The following PACS1 variants were observed in gnomAD, a reference collection of about 807,000 sequenced individuals.
The protein encoded by PACS1 is phosphofurin acidic cluster sorting protein 1.
In PACS1, 24 loss-of-function variants were observed where a neutral mutation model predicts 115.0. The observed-to-expected ratio is 0.21, with a 90% confidence interval of 0.15 to 0.29. The LOEUF is 0.29. Ranked by LOEUF, PACS1 falls within the 10% of genes least tolerant of loss-of-function variation. PACS1 has a pLI of 1.00. For missense variants in PACS1, 838 were observed against 1,251.2 expected, an observed-to-expected ratio of 0.67 and a Z score of 4.98; for synonymous variants, 453 against 504.5, an observed-to-expected ratio of 0.90 and a Z score of 1.37.
chr11:66,154,380 A>C (rs1394464884), intron 1 of PACS1, among the ~76,000 whole-genome samples: 1 of 152,106 alleles, frequency 6.6e-6, no homozygotes, highest in African/African-American at 2.4e-5. Context: ...TCAAGGCTGC[A>C]GTGAGCTATG....
At chr11:66,203,571 A>G (rs1298448999) in intron 2 of PACS1, among the ~76,000 whole-genome samples, 2 of 152,336 alleles carry the variant, frequency 1.3e-5, no homozygotes, top group African/African-American at 2.4e-5. Context: ...AAAGAACAAA[A>G]TTAGAGAAAT....
chr11:66,211,589 A>G (rs1855070710), intron 4 of PACS1, among the ~76,000 whole-genome samples: 1 of 152,204 alleles, frequency 6.6e-6, no homozygotes, highest in Admixed American at 6.5e-5. Context: ...CACATTTCAT[A>G]TGCTCTCCTC....
chr11:66,187,126 T>C (rs1293854177), intron 1 of PACS1, among the ~76,000 whole-genome samples: 1 of 152,232 alleles, frequency 6.6e-6, no homozygotes, highest in Non-Finnish European at 1.5e-5. Context: ...GTGGGTGTGT[T>C]GTTTCCAGTA....
In PACS1 at chr11:66,070,822, C is replaced by A; in HGVS notation, c.336C>A (p.Ser112Arg). The change falls in exon 1 of 24, where the codon AGC becomes AGA. Residue 112 changes from serine (S) to arginine (R), a missense_variant. This residue lies in a region of PACS1 where 223 missense variants were observed against 354.0 expected (regional missense o/e 0.63). Transcript: ENST00000320580. This position sits in a 1 kb window ranked among gnomAD's most constrained non-coding sequence, Gnocchi z 5.9. ...ACGCCACCTGGGAGGTGGACCGGAG[C>A]TCGTCCAGCTGCGTGCCTAGGTGAG... The part of the protein sequence containing the change: ...NLYATWEVDR[S>R]SSSCVPRLFS... 6.7e-7 allele frequency: 1 copy of A among 1,496,200 alleles called. No individual in the cohort carries two copies. Among genetic ancestry groups the A allele is most frequent in the Non-Finnish European group, 8.9e-7 (1 of 1,129,320 alleles). The allele number at this position is 1,496,200 out of a possible 1,614,324, so 92.7% of individuals were successfully genotyped here. A position where few individuals can be genotyped will look rare whatever the true frequency, so the allele number is the denominator to read the frequency against.
chr11:66,118,204 A>G (rs187317353), intron 1 of PACS1, among the ~76,000 whole-genome samples: 13 of 152,366 alleles, frequency 8.5e-5, no homozygotes, highest in African/African-American at 2.4e-4. Context: ...AACAGCATAG[A>G]TGGTTAACAG....
chr11:66,070,599 AGCAGCAGCC>A lies in PACS1; in HGVS notation c.116_124del (p.Gln39_Pro41del). Reference sequence around the variant, plus strand: ...CAGCAGCCGCCGCCGCAGCAGCAGCAGCAGCAGCCGCCGCAGCAGCCGACGCCCCCCAAG... The same window carrying A: ...CAGCAGCCGCCGCCGCAGCAGCAGCAGCCGCAGCAGCCGACGCCCCCCAAG... On this transcript the variant is annotated inframe_deletion, in exon 1 of 24. Coordinates refer to ENST00000320580, the MANE Select transcript of PACS1 (RefSeq NM_018026.4). The surrounding 1 kb of genome is among the most constrained non-coding windows in gnomAD (Gnocchi z 5.9). 6.6e-7 allele frequency: 1 copy of A among 1,517,144 alleles called. No individual in the cohort carries two copies. Among genetic ancestry groups the A allele is most frequent in the Non-Finnish European group, 8.8e-7 (1 of 1,141,074 alleles). 94.0% of individuals were successfully genotyped at this position (1,517,144 alleles called of 1,614,324 possible).
intron 1 of PACS1, among the ~76,000 whole-genome samples, chr11:66,174,406 G>T (rs1859806246): frequency 6.6e-6 from 1 of 152,092 alleles, no homozygotes; most frequent in South Asian, 2.1e-4. Flanking sequence ...ATATGACCCT[G>T]CAATTCCAGT....
At chr11:66,155,453 C>T (rs1859328393) in intron 1 of PACS1, among the ~76,000 whole-genome samples, 1 of 152,078 alleles carries the variant, frequency 6.6e-6, no homozygotes, top group Non-Finnish European at 1.5e-5. Context: ...GTATACTTCA[C>T]AAGGTAAGAT....
At chr11:66,080,776 A>ACTG (rs1857464306) in intron 1 of PACS1, among the ~76,000 whole-genome samples, 2 of 152,208 alleles carry the variant, frequency 1.3e-5, no homozygotes, top group South Asian at 4.1e-4. Flanking sequence ...ATTACAAAAC[A>ACTG]CTGCTCAATT....
At chr11:66,133,029 A>T (rs1858738069) in intron 1 of PACS1, among the ~76,000 whole-genome samples, 1 of 152,096 alleles carries the variant, frequency 6.6e-6, no homozygotes, top group Non-Finnish European at 1.5e-5. Context: ...GCCGACTGTA[A>T]ATGGTGCTGC....
Position 66,233,947 on chromosome 11 carries a change from C to T in PACS1, c.1993+8C>T, listed in dbSNP as rs2236651. ...TCCTCATCATCCCCCTCGGTAAAGA[C>T]GGGAGGCACCAGGAGGGCGTCGGGC... On this transcript the variant is annotated splice_region_variant and intron_variant, in intron 16 of 23. Coordinates refer to ENST00000320580, the MANE Select transcript of PACS1 (RefSeq NM_018026.4). This position sits in a 1 kb window ranked among gnomAD's most constrained non-coding sequence, Gnocchi z 4.5. 268,900 of 1,567,876 alleles carry T rather than the reference C, an allele frequency of 0.17. 23,758 individuals are homozygous for T. Among genetic ancestry groups the T allele is most frequent in the East Asian group, 0.25 (11,111 of 44,358 alleles).
intron 1 of PACS1, among the ~76,000 whole-genome samples, chr11:66,121,471 A>G (rs1413584110): frequency 1.3e-5 from 2 of 152,198 alleles, no homozygotes. Context: ...CTTAGTAAGG[A>G]AGGAATATTG....
At chr11:66,090,466 G>A (rs1003202731) in intron 1 of PACS1, among the ~76,000 whole-genome samples, 1 of 151,730 alleles carries the variant, frequency 6.6e-6, no homozygotes, top group African/African-American at 2.4e-5. Flanking sequence ...TAGAGACAAG[G>A]TCCCACTGTT....
rs149196894 is a variant in PACS1, at chr11:66,075,707, A to G, written c.356+4865A>G. Among the ~76,000 whole-genome samples, 15 of 152,086 alleles carry G rather than the reference A, an allele frequency of 9.9e-5. No individual in the cohort carries two copies. In the East Asian group the frequency reaches 2.9e-3, roughly 29 times the overall value. ...TGATCAAATAAGAAAGACCTGATGA[A>G]ATTTCTATTACTACCCTAGCATTAA... On this transcript the variant is annotated intron_variant, in intron 1 of 23. Coordinates refer to ENST00000320580, the MANE Select transcript of PACS1 (RefSeq NM_018026.4).
intron 1 of PACS1, among the ~76,000 whole-genome samples, chr11:66,081,824 C>T (rs1325054405): frequency 6.6e-6 from 1 of 152,176 alleles, no homozygotes; most frequent in Admixed American, 6.5e-5. Flanking sequence ...GAAAACTGAG[C>T]AACTCCTAGG....
In PACS1 at chr11:66,220,642, G is replaced by A; in HGVS notation, c.1050G>A (p.Gly350=). Residue 350 remains glycine, a synonymous_variant, in exon 9 of 24, where the codon GGG becomes GGA. Transcript: ENST00000320580. Reference sequence around the variant, plus strand: ...CTTTTTCCCTGCAGGTGGGCTTTGGGCTGGAGCATGTGTCCCGCGAGCAGA... The same window carrying A: ...CTTTTTCCCTGCAGGTGGGCTTTGGACTGGAGCATGTGTCCCGCGAGCAGA... The part of the protein sequence containing the change: ...RFKVSDEVGF[G]LEHVSREQIR... The A allele has an allele frequency of 1.2e-6, 2 of 1,614,186 alleles. No individual in the cohort carries two copies. The highest frequency in any genetic ancestry group is 3.3e-5 in the Admixed American group (2 of 60,026).
intron 11 of PACS1, among the ~76,000 whole-genome samples, chr11:66,227,999 G>T (rs1855501383): frequency 6.6e-6 from 1 of 152,168 alleles, no homozygotes; most frequent in South Asian, 2.1e-4. Flanking sequence ...AGCTGCCCAG[G>T]AGTGCAGGCC....
chr11:66,217,483 A>G (rs1855240689), intron 7 of PACS1: 2 of 450,348 alleles, frequency 4.4e-6, no homozygotes, highest in Admixed American at 4.8e-5. Flanking sequence ...CCATTTACCC[A>G]GAGGCATCCT....
chr11:66,178,814 TCACTA>T (rs1859936984), intron 1 of PACS1, among the ~76,000 whole-genome samples: 1 of 152,186 alleles, frequency 6.6e-6, no homozygotes, highest in Admixed American at 6.5e-5. Context: ...GTCAGAAACC[TCACTA>T]TACTTGAGAG....
Sources: gnomAD v4.1 joint callset for allele counts (sites outside exome capture counted in the v4.1 genomes callset) on GRCh38, gnomAD v4.1.1 for gene constraint, gnomAD v4.1.1 regional missense constraint, Gnocchi (gnomAD v3.1) non-coding constraint, MANE v1.5 for transcripts, NCBI Gene and HGNC (gene_info 2026-07-23, HGNC 2026-07-21) for gene names.